Variants in GABPB2 observed in about 807,000 individuals in gnomAD.
GABPB2 encodes GA binding protein transcription factor subunit beta 2.
GABPB2 carries 23 observed loss-of-function variants against 39.1 expected under a neutral mutation model. That is an observed-to-expected ratio of 0.59 (90% confidence interval 0.42 to 0.83). The LOEUF is 0.83. Among genes scored for constraint, GABPB2 ranks in the 40% least tolerant of loss-of-function variants. GABPB2 has a pLI of 0.00. For synonymous variants in GABPB2, 184 were observed against 199.3 expected, an observed-to-expected ratio of 0.92 and a Z score of 0.65; for missense variants, 467 against 541.1, an observed-to-expected ratio of 0.86 and a Z score of 1.36.
At chr1:151,079,828 G>A (rs888640399) in intron 1 of GABPB2, among the ~76,000 whole-genome samples, 2 of 150,990 alleles carry the variant, frequency 1.3e-5, no homozygotes, top group African/African-American at 2.4e-5. Flanking sequence ...CCTAGGAGGC[G>A]GAGATTGCAG....
chr1:151,086,388 C>G (rs1352299941), intron 1 of GABPB2, among the ~76,000 whole-genome samples: 1 of 152,140 alleles, frequency 6.6e-6, no homozygotes, highest in Non-Finnish European at 1.5e-5. Flanking sequence ...TGGCAATTTT[C>G]CCTTGAGATT....
chr1:151,093,215 G>GT lies in GABPB2; in HGVS notation c.300_301insT (p.Asp101Ter). Reference sequence around the variant, plus strand: ...AGAATGGTGCAGATGTGAATGCCAAGGACATGCTGAAGATGACAGCTTTGC... The same window carrying GT: ...AGAATGGTGCAGATGTGAATGCCAAGTGACATGCTGAAGATGACAGCTTTGC... On this transcript the variant is annotated frameshift_variant, in exon 4 of 9. Coordinates refer to ENST00000368918, the MANE Select transcript of GABPB2 (RefSeq NM_144618.3). LOFTEE classifies it high-confidence loss of function. 1 of 1,602,520 alleles carries GT rather than the reference G, an allele frequency of 6.2e-7. No individual in the cohort carries two copies. Among genetic ancestry groups the GT allele is most frequent in the Non-Finnish European group, 8.5e-7 (1 of 1,175,356 alleles).
chr1:151,112,706 C>T, intron 7 of GABPB2: 1 of 217,316 alleles, frequency 4.6e-6, no homozygotes, highest in East Asian at 1.1e-4. Context: ...TGGGTGGCTC[C>T]AGTAGAGCTG....
At chr1:151,094,039 C>T (rs1399135291) in intron 4 of GABPB2, among the ~76,000 whole-genome samples, 3 of 126,230 alleles carry the variant, frequency 2.4e-5, no homozygotes, top group Non-Finnish European at 3.2e-5. Flanking sequence ...GTGATGATTT[C>T]GTCCTTTTTT....
intron 5 of GABPB2, among the ~76,000 whole-genome samples, chr1:151,102,333 A>C (rs1679588832): frequency 6.6e-6 from 1 of 152,168 alleles, no homozygotes; most frequent in South Asian, 2.1e-4. Flanking sequence ...AAAGTAAATA[A>C]ATAAAAAATA....
At chr1:151,075,837 T>G (rs184214803) in intron 1 of GABPB2, among the ~76,000 whole-genome samples, 198 of 152,278 alleles carry the variant, frequency 1.3e-3, no homozygotes, top group Middle Eastern at 3.4e-3. Context: ...GGAGTTGCTC[T>G]GGTTCAAACA....
At chr1:151,071,806 T>C (rs1379167955) in intron 1 of GABPB2, among the ~76,000 whole-genome samples, 1 of 152,230 alleles carries the variant, frequency 6.6e-6, no homozygotes, top group Non-Finnish European at 1.5e-5. Flanking sequence ...TTTGTACAGC[T>C]GGCCGCCCAG....
intron 1 of GABPB2, among the ~76,000 whole-genome samples, chr1:151,080,788 G>A (rs1051816405): frequency 6.8e-6 from 1 of 148,080 alleles, no homozygotes; most frequent in African/African-American, 2.5e-5. Flanking sequence ...GGTGGAGGTT[G>A]GAGGTTGCAG....
intron 6 of GABPB2, among the ~76,000 whole-genome samples, chr1:151,104,802 T>TTTCTTTC (rs10638922): frequency 0.1 from 14,048 of 139,340 alleles, 851 homozygotes; most frequent in Non-Finnish European, 0.11. Flanking sequence ...TCTTTCTTTC[T>TTTCTTTC]TTTCTTTCTT....
At chr1:151,117,699 T>C (rs959974565) in intron 8 of GABPB2, among the ~76,000 whole-genome samples, 183 bp downstream of exon 8, 3 of 152,168 alleles carry the variant, frequency 2.0e-5, no homozygotes, top group African/African-American at 7.2e-5. Context: ...TTCTCATGCC[T>C]CAGCCTCCTG....
At chr1:151,082,039 T>C (rs1449823790) in intron 1 of GABPB2, among the ~76,000 whole-genome samples, 2 of 151,968 alleles carry the variant, frequency 1.3e-5, no homozygotes, top group African/African-American at 4.8e-5. Flanking sequence ...TATTCTTTGA[T>C]ACTGCACAAA....
chr1:151,117,945 T>C lies in GABPB2; in HGVS notation c.1048-12T>C, dbSNP rs759458922. On this transcript the variant is annotated splice_polypyrimidine_tract_variant and intron_variant, in intron 8 of 8. Transcript: ENST00000368918. ...GGAATTTACCTGGTGGTGACATGGC[T>C]TACTTTTACAGGAAGGCAATGAAAG... 2 of 1,604,150 alleles carry C rather than the reference T, an allele frequency of 1.2e-6. No homozygotes were observed. The highest frequency in any genetic ancestry group is 1.7e-6 in the Non-Finnish European group (2 of 1,174,148).
chr1:151,078,466 G>T (rs939022089), intron 1 of GABPB2, among the ~76,000 whole-genome samples: 2 of 151,570 alleles, frequency 1.3e-5, no homozygotes, highest in Admixed American at 1.3e-4. Context: ...GGTGGCGGGT[G>T]CCTGTAGTCC....
At chr1:151,091,033 CAAAA>C (rs112572180) in intron 3 of GABPB2, among the ~76,000 whole-genome samples, 13 of 144,072 alleles carry the variant, frequency 9.0e-5, no homozygotes, top group South Asian at 2.2e-4. Flanking sequence ...AACAAAAAAA[CAAAA>C]AAAAAAACCT....
At chr1:151,107,347 G>C (rs1481130759) in intron 7 of GABPB2, 125 bp downstream of exon 7, 1 of 534,764 alleles carries the variant, frequency 1.9e-6, no homozygotes, top group East Asian at 3.6e-5. Context: ...TTGGGGCAAA[G>C]AAGCTCTGAA....
At chr1:151,072,605 G>A (rs1302839352) in intron 1 of GABPB2, among the ~76,000 whole-genome samples, 1 of 152,144 alleles carries the variant, frequency 6.6e-6, no homozygotes, top group East Asian at 1.9e-4. Context: ...CAGCACTTTG[G>A]GAGGCCGAGG....
intron 3 of GABPB2, among the ~76,000 whole-genome samples, chr1:151,092,638 AG>A (rs1413810564): frequency 6.8e-6 from 1 of 147,586 alleles, no homozygotes; most frequent in African/African-American, 2.5e-5. Flanking sequence ...CACCCAGGCT[AG>A]AGTGTGGTGG....
rs1463757468 is a variant in GABPB2 at position 151,073,647 on chromosome 1, C to T, written c.-1+2713C>T. On this transcript the variant is annotated intron_variant, in intron 1 of 8. Coordinates refer to ENST00000368918, the MANE Select transcript of GABPB2 (RefSeq NM_144618.3). Reference sequence around the variant, plus strand: ...GCTTGAGAAAGTAAAGGAAGGCCGGCGCGGTGGCTCATCCCCGTAATCCCA... The same window carrying T: ...GCTTGAGAAAGTAAAGGAAGGCCGGTGCGGTGGCTCATCCCCGTAATCCCA... Among the ~76,000 whole-genome samples the T allele has an allele frequency of 3.9e-5, 6 of 152,078 alleles. No individual in the cohort carries two copies. The East Asian group carries it at 7.7e-4, about 20-fold the overall frequency.
At chr1:151,092,103 T>TC (rs1678763938) in intron 3 of GABPB2, among the ~76,000 whole-genome samples, 1 of 21,052 alleles carries the variant, frequency 4.8e-5, no homozygotes, top group Non-Finnish European at 2.3e-4. Flanking sequence ...TTTTCTAATT[T>TC]TTTTTTTTTT....
Sources: gnomAD v4.1 joint callset for allele counts (sites outside exome capture counted in the v4.1 genomes callset) on GRCh38, gnomAD v4.1.1 for gene constraint, MANE v1.5 for transcripts, NCBI Gene and HGNC (gene_info 2026-07-23, HGNC 2026-07-21) for gene names.